RTL4: variants seen among roughly 807,000 people sequenced by gnomAD.
The protein encoded by RTL4 is retrotransposon Gag like 4.
RTL4 carries 4 observed loss-of-function variants against 5.3 expected under a neutral mutation model. That is an observed-to-expected ratio of 0.75 (90% CI 0.37 to 1.72). The LOEUF is 1.72. RTL4 is among the 40% of genes most tolerant of loss of function. The pLI is 0.04. For missense variants in RTL4, 260 were observed against 227.1 expected, an observed-to-expected ratio of 1.14 and a Z score of -0.93; for synonymous variants, 98 against 87.3, an observed-to-expected ratio of 1.12 and a Z score of -0.68.
chrX:112,111,952 A>G, the RTL4 span, among the ~76,000 whole-genome samples: 1 of 111,955 alleles, frequency 8.9e-6, no homozygotes, highest in Non-Finnish European at 1.9e-5. Context: ...CGGTTCCTCA[A>G]GGAGTAGTGC....
the RTL4 span, among the ~76,000 whole-genome samples, chrX:112,120,289 G>T: frequency 2.1e-4 from 23 of 112,138 alleles, no homozygotes; most frequent in African/African-American, 6.2e-4. Context: ...TGTTTGTTTT[G>T]TTTTTGAGAC....
chrX:112,115,442 A>G, the RTL4 span, among the ~76,000 whole-genome samples: 3 of 111,603 alleles, frequency 2.7e-5, no homozygotes, highest in Middle Eastern at 4.7e-3. Flanking sequence ...AGGCCTCAAA[A>G]TGGAGGGGAG....
At chrX:112,372,408 G>T in the RTL4 span, among the ~76,000 whole-genome samples, 1 of 111,149 alleles carries the variant, frequency 9.0e-6, no homozygotes, top group Non-Finnish European at 1.9e-5. Flanking sequence ...CCAGTTTTGG[G>T]CTATTACAAA....
chrX:112,237,694 A>G, the RTL4 span, among the ~76,000 whole-genome samples: 1 of 112,629 alleles, frequency 8.9e-6, no homozygotes, highest in African/African-American at 3.2e-5. Context: ...TAAATACTCT[A>G]TGCCCATTTC....
At chrX:112,118,559 TATG>T in the RTL4 span, among the ~76,000 whole-genome samples, 1 of 112,144 alleles carries the variant, frequency 8.9e-6, no homozygotes, top group African/African-American at 3.2e-5. Flanking sequence ...ACTTCATTTA[TATG>T]ATATTTGTCA....
the RTL4 span, among the ~76,000 whole-genome samples, chrX:112,090,572 T>A: frequency 9.0e-6 from 1 of 111,707 alleles, no homozygotes. Context: ...AGATGTTTAA[T>A]CAACCATACA....
chrX:112,381,776 A>G, the RTL4 span: 8 of 1,206,734 alleles, frequency 6.6e-6, no homozygotes, highest in Non-Finnish European at 9.0e-6. Context: ...GGAGGAGACA[A>G]AGAAAGTCCA....
At chrX:112,254,369 C>A in the RTL4 span, among the ~76,000 whole-genome samples, 1 of 108,988 alleles carries the variant, frequency 9.2e-6, no homozygotes, top group Admixed American at 9.8e-5. Flanking sequence ...CTGGCTCTGT[C>A]ACCAGGCTGG....
At chrX:112,367,098 A>G in the RTL4 span, among the ~76,000 whole-genome samples, 1 of 111,749 alleles carries the variant, frequency 8.9e-6, no homozygotes, top group Non-Finnish European at 1.9e-5. Context: ...TTACACAGGG[A>G]AAAAAACCCA....
chrX:112,120,362 C>T, the RTL4 span, among the ~76,000 whole-genome samples: 3 of 111,845 alleles, frequency 2.7e-5, no homozygotes, highest in South Asian at 1.1e-3. Context: ...CTGCAAGCTC[C>T]GCCTCCCAGG....
chrX:112,325,734 T>G, the RTL4 span, among the ~76,000 whole-genome samples: 5 of 112,293 alleles, frequency 4.5e-5, no homozygotes, highest in Non-Finnish European at 5.6e-5. Flanking sequence ...TCAGGGCATA[T>G]GCATGGGCAA....
At chrX:112,184,126 C>G in the RTL4 span, among the ~76,000 whole-genome samples, 2 of 102,447 alleles carry the variant, frequency 2.0e-5, no homozygotes, top group Non-Finnish European at 3.9e-5. Context: ...ACCACATGTT[C>G]TCACTCATAG....
the RTL4 span, among the ~76,000 whole-genome samples, chrX:112,248,082 A>C: frequency 8.9e-6 from 1 of 112,590 alleles, no homozygotes; most frequent in Non-Finnish European, 1.9e-5. Flanking sequence ...TTTGTACTAC[A>C]GTTGGCAGTG....
At chrX:112,202,555 T>TATC in the RTL4 span, among the ~76,000 whole-genome samples, 5 of 103,787 alleles carry the variant, frequency 4.8e-5, no homozygotes, top group Non-Finnish European at 7.8e-5. Flanking sequence ...TTATTATTAT[T>TATC]ATTATTATTA....
the RTL4 span, among the ~76,000 whole-genome samples, chrX:112,220,109 A>G: frequency 8.9e-6 from 1 of 111,886 alleles, no homozygotes; most frequent in African/African-American, 3.2e-5. Context: ...TGACACTAAT[A>G]TATCTCTTCA....
the RTL4 span, among the ~76,000 whole-genome samples, chrX:112,124,885 T>A: frequency 1.6e-4 from 18 of 111,452 alleles, no homozygotes; most frequent in African/African-American, 5.5e-4. Flanking sequence ...ATGTAATCTA[T>A]TAAGAGTTCA....
At chrX:112,381,578 C>CA in the RTL4 span, 1 of 1,191,300 alleles carries the variant, frequency 8.4e-7, no homozygotes, top group South Asian at 1.8e-5. Context: ...CAGCTATTTA[C>CA]AAAAAAGTAG....
At chrX:112,142,857 C>T in the RTL4 span, among the ~76,000 whole-genome samples, 1 of 111,305 alleles carries the variant, frequency 9.0e-6, no homozygotes, top group Admixed American at 9.6e-5. Flanking sequence ...GAGACAGAAT[C>T]TCATTCTGTC....
At chrX:112,168,966 T>TC in the RTL4 span, among the ~76,000 whole-genome samples, 3 of 106,697 alleles carry the variant, frequency 2.8e-5, no homozygotes, top group Admixed American at 1.0e-4. Context: ...TTTCTTTCTT[T>TC]TTCTTTCTTT....
Sources: allele counts gnomAD v4.1 joint callset (sites outside exome capture counted in the v4.1 genomes callset), GRCh38; gene constraint gnomAD v4.1.1; transcripts MANE v1.5; gene names NCBI Gene and HGNC (gene_info 2026-07-23, HGNC 2026-07-21).